Variants in ASTN2 observed in about 807,000 individuals in gnomAD.
ASTN2 encodes the protein astrotactin 2.
In ASTN2, 54 loss-of-function variants were observed where a neutral mutation model predicts 139.8. That is an observed-to-expected ratio of 0.39 (90% CI 0.31 to 0.48). ASTN2 has a LOEUF of 0.48. Among genes scored for constraint, ASTN2 ranks in the 20% least tolerant of loss-of-function variants. The pLI, the probability that ASTN2 is intolerant of heterozygous loss-of-function variation, is 0.95. For missense variants in ASTN2, 1,565 were observed against 1,725.1 expected, an observed-to-expected ratio of 0.91 and a Z score of 1.64; for synonymous variants, 756 against 719.5, an observed-to-expected ratio of 1.05 and a Z score of -0.81.
At chr9:116,492,587 A>G (rs1849549497) in intron 19 of ASTN2, among the ~76,000 whole-genome samples, 1 of 152,172 alleles carries the variant, frequency 6.6e-6, no homozygotes, top group South Asian at 2.1e-4. Context: ...GATAACTTGT[A>G]CCAGCCAACT....
In ASTN2 at chr9:117,040,839, G is replaced by A. The variant is rs147047189; in HGVS notation, c.1277-874C>T. ...ACAGCATGATTTGTATATCATGCCTGTCATTTAGAAGAGTTTCACGGTTAG... is the reference window on the plus strand; with the variant it reads ...ACAGCATGATTTGTATATCATGCCTATCATTTAGAAGAGTTTCACGGTTAG... On this transcript the variant is annotated intron_variant, in intron 5 of 22. Coordinates refer to ENST00000313400, the MANE Select transcript of ASTN2 (RefSeq NM_001365068.1). 3.4e-3 allele frequency among the ~76,000 whole-genome samples: 516 copies of A among 152,298 alleles called. 4 individuals are homozygous for A. The highest frequency in any genetic ancestry group is 0.012 in the African/African-American group (482 of 41,576).
intron 19 of ASTN2, chr9:116,582,869 T>A (rs1050221703): frequency 6.6e-6 from 1 of 152,220 alleles, no homozygotes; most frequent in Non-Finnish European, 1.5e-5. Flanking sequence ...GCTTAGCCTG[T>A]TTTCTTATCC....
intron 1 of ASTN2, among the ~76,000 whole-genome samples, chr9:117,389,179 T>C (rs564230824): frequency 6.6e-6 from 1 of 152,126 alleles, no homozygotes; most frequent in African/African-American, 2.4e-5. Context: ...ATTTCCTATA[T>C]GAAAGAAGCT....
chr9:116,802,051 A>G (rs1830873233), intron 13 of ASTN2, among the ~76,000 whole-genome samples: 1 of 150,456 alleles, frequency 6.6e-6, no homozygotes, highest in Non-Finnish European at 1.5e-5. Flanking sequence ...GTCCTAGGCC[A>G]GCCTTTAAGG....
chr9:117,230,956 C>T (rs547503945), intron 2 of ASTN2, among the ~76,000 whole-genome samples: 20 of 152,138 alleles, frequency 1.3e-4, no homozygotes, highest in Non-Finnish European at 2.5e-4. Flanking sequence ...TTGATCATCC[C>T]CAAACTTGCC....
At position 116,955,938 on chromosome 9, in the gene ASTN2, A is replaced by C. The variant is rs80346236; in HGVS notation, c.1889+19270T>G. 7.4e-3 allele frequency among the ~76,000 whole-genome samples: 1,120 copies of C among 152,310 alleles called. 20 individuals are homozygous for C. Among genetic ancestry groups the C allele is most frequent in the East Asian group, 0.066 (342 of 5,178 alleles). ...AACAAGAAACTACAGTCAACATGCT[A>C]TCATGGGGAAGGACAGGAGTCTCTT... On this transcript the variant is annotated intron_variant, in intron 10 of 22. Coordinates refer to ENST00000313400, the MANE Select transcript of ASTN2 (RefSeq NM_001365068.1).
chr9:117,175,581 G>A (rs879381668), intron 3 of ASTN2, among the ~76,000 whole-genome samples: 1 of 152,108 alleles, frequency 6.6e-6, no homozygotes, highest in Non-Finnish European at 1.5e-5. Context: ...ACTAGAACAG[G>A]AGAGCTCAGA....
chr9:116,503,254 G>C (rs1849965169), intron 19 of ASTN2, among the ~76,000 whole-genome samples: 1 of 152,014 alleles, frequency 6.6e-6, no homozygotes, highest in African/African-American at 2.4e-5. Context: ...GGATGCCCTT[G>C]AGTGACCAGG....
At chr9:116,483,649 AAAAGAC>A (rs1177882217) in intron 20 of ASTN2, among the ~76,000 whole-genome samples, 1 of 152,224 alleles carries the variant, frequency 6.6e-6, no homozygotes, top group Non-Finnish European at 1.5e-5. Flanking sequence ...GAGAGGGAAT[AAAAGAC>A]AAAGAGAAAA....
chr9:117,214,651 T>C lies in ASTN2; in HGVS notation c.722A>G (p.Gln241Arg), dbSNP rs201735446. The C allele has an allele frequency of 7.7e-6, 12 of 1,560,510 alleles. No individual in the cohort carries two copies. The highest frequency in any genetic ancestry group is 9.6e-6 in the Non-Finnish European group (11 of 1,145,436). Residue 241 changes from glutamine to arginine, a missense_variant, in exon 3 of 23, where the codon CAG becomes CGG. Transcript: ENST00000313400. ...RRWQKRRRIP[Q>R]KSASTEATHE... is the part of the protein sequence containing the mutation. ...AGTGGCTTCTGTGCTTGCGCTCTTC[T>C]GGGGGATGCGGCGACGCTTCTGCCA...
At position 116,674,460 on chromosome 9, in the gene ASTN2, G is replaced by A. The variant is rs143223201; in HGVS notation, c.2807-22667C>T. Among the ~76,000 whole-genome samples, 904 of 152,272 alleles carry A rather than the reference G, an allele frequency of 5.9e-3. 12 individuals carry two copies. The highest frequency in any genetic ancestry group is 0.021 in the African/African-American group (872 of 41,552). Reference sequence around the variant, plus strand: ...ACACCTGTGGGCAATTAATCTGGTCGCCCTCCCCCGGAGAGAGCCATCCTG... The same window carrying A: ...ACACCTGTGGGCAATTAATCTGGTCACCCTCCCCCGGAGAGAGCCATCCTG... On this transcript the variant is annotated intron_variant, in intron 16 of 22. Transcript: ENST00000313400.
At position 117,414,902 on chromosome 9, in the gene ASTN2, C is replaced by A; in HGVS notation, c.37G>T (p.Gly13Cys). The A allele has an allele frequency of 1.5e-6, 1 of 672,078 alleles. No homozygotes were observed. Among genetic ancestry groups the A allele is most frequent in the Non-Finnish European group, 1.9e-6 (1 of 514,452 alleles). The allele number at this position is 672,078 out of a possible 1,614,324, so 41.6% of individuals were successfully genotyped here. ...CTCGGCCGCCCCCGGAGCCCCGAGCCGGGGCCGGGGCTGAGCCGGGCGCCG... is the reference window on the plus strand; with the variant it reads ...CTCGGCCGCCCCCGGAGCCCCGAGCAGGGGCCGGGGCTGAGCCGGGCGCCG... ...AAGARLSPGP[G>C]SGLRGRPRLC... Residue 13 changes from glycine (G) to cysteine (C), a missense_variant, in exon 1 of 23, where the codon GGC (glycine) becomes TGC (cysteine). Gly to Cys is a radical substitution (Grantham distance 159). Around this residue, in one of 4 missense-constraint regions of ASTN2, gnomAD observed 596 missense variants for 576.8 expected, o/e 1.03. Transcript: ENST00000313400. This position sits in a 1 kb window ranked among gnomAD's most constrained non-coding sequence, Gnocchi z 4.2.
At chr9:117,380,803 T>G (rs531735527) in intron 1 of ASTN2, among the ~76,000 whole-genome samples, 1 of 152,246 alleles carries the variant, frequency 6.6e-6, no homozygotes, top group Non-Finnish European at 1.5e-5. Context: ...ACCTAGTAGC[T>G]GATGGAAAGG....
chr9:116,451,757 T>C (rs532669423), intron 20 of ASTN2, among the ~76,000 whole-genome samples: 1 of 152,250 alleles, frequency 6.6e-6, no homozygotes, highest in Non-Finnish European at 1.5e-5. Context: ...ATGACAATTC[T>C]TGCCCTCTCC....
chr9:117,093,919 C>G (rs1433029920), intron 5 of ASTN2, among the ~76,000 whole-genome samples: 1 of 152,072 alleles, frequency 6.6e-6, no homozygotes, highest in Non-Finnish European at 1.5e-5. Context: ...AGTTCCCTTC[C>G]TTGTTGTCTC....
At chr9:117,237,390 A>T (rs1833077175) in intron 2 of ASTN2, among the ~76,000 whole-genome samples, 2 of 152,176 alleles carry the variant, frequency 1.3e-5, no homozygotes, top group African/African-American at 4.8e-5. Context: ...CACAGAGCCC[A>T]GTTAGTACTG....
At chr9:116,642,132 C>CAAAAAAAAAAAAAA (rs1252642911) in intron 17 of ASTN2, among the ~76,000 whole-genome samples, 1 of 48,930 alleles carries the variant, frequency 2.0e-5, no homozygotes, top group African/African-American at 7.6e-5. Flanking sequence ...TCCCAACCCA[C>CAAAAAAAAAAAAAA]AAAAAAAAAA....
intron 19 of ASTN2, chr9:116,584,473 A>G (rs1305944487): frequency 2.0e-5 from 3 of 152,220 alleles, no homozygotes; most frequent in Non-Finnish European, 4.4e-5. Flanking sequence ...CAATAGACTC[A>G]GAAAATTCAA....
chr9:116,793,061 CA>C (rs1416971322), intron 13 of ASTN2, among the ~76,000 whole-genome samples: 2 of 151,432 alleles, frequency 1.3e-5, no homozygotes, highest in Non-Finnish European at 2.9e-5. Context: ...GCAATATACC[CA>C]GGTAAAAAAC....
Sources: gnomAD v4.1 joint callset for allele counts (sites outside exome capture counted in the v4.1 genomes callset) on GRCh38, gnomAD v4.1.1 for gene constraint, gnomAD v4.1.1 regional missense constraint, Gnocchi (gnomAD v3.1) non-coding constraint, MANE v1.5 for transcripts, NCBI Gene and HGNC (gene_info 2026-07-23, HGNC 2026-07-21) for gene names.